The following LRBA variants were observed in gnomAD, a reference collection of about 807,000 sequenced individuals.
The protein encoded by LRBA is LPS responsive beige-like anchor protein.
LRBA carries 176 observed loss-of-function variants against 330.0 expected under a neutral mutation model. That is an observed-to-expected ratio of 0.53 (90% CI 0.47 to 0.60). The LOEUF is 0.60. Among genes scored for constraint, LRBA ranks in the 20% least tolerant of loss-of-function variants. The probability of loss-of-function intolerance (pLI) is 0.00; values close to 1 mark genes in which losing one functional copy is unlikely to be tolerated. For missense variants in LRBA, 3,259 were observed against 3,444.8 expected (o/e 0.95, Z 1.35); for synonymous variants, 1,230 against 1,193.0 (o/e 1.03, Z -0.64).
intron 48 of LRBA, among the ~76,000 whole-genome samples, chr4:150,330,848 G>C (rs74939228): frequency 0.011 from 1,665 of 152,244 alleles, 34 homozygotes; most frequent in African/African-American, 0.038. Flanking sequence ...CTGAGTGCCT[G>C]TTATATAGCA....
At chr4:150,415,659 A>T in intron 46 of LRBA, 69 bp from the exon 47 acceptor site, 1 of 920,778 alleles carries the variant, frequency 1.1e-6, no homozygotes, top group Non-Finnish European at 1.7e-6. Flanking sequence ...CAAAAAAAGG[A>T]CCTGATCATT....
At chr4:150,902,287 A>G (rs1730823675) in intron 13 of LRBA, among the ~76,000 whole-genome samples, 1 of 152,192 alleles carries the variant, frequency 6.6e-6, no homozygotes, top group South Asian at 2.1e-4. Flanking sequence ...TAGAAAAATG[A>G]TGGTTGAAAT....
intron 28 of LRBA, among the ~76,000 whole-genome samples, chr4:150,840,112 C>T (rs1439707006): frequency 6.6e-6 from 1 of 152,174 alleles, no homozygotes; most frequent in African/African-American, 2.4e-5. Flanking sequence ...AGCGTTGGAG[C>T]CTTATCTGAA....
chr4:150,589,482 T>C (rs1029814588), intron 39 of LRBA, among the ~76,000 whole-genome samples: 1 of 152,176 alleles, frequency 6.6e-6, no homozygotes, highest in Admixed American at 6.5e-5. Context: ...ATGGATGAAA[T>C]AAGAAGCTAT....
At chr4:150,807,774 T>C (rs1036769702) in intron 32 of LRBA, among the ~76,000 whole-genome samples, 2 of 151,914 alleles carry the variant, frequency 1.3e-5, no homozygotes, top group African/African-American at 2.4e-5. Flanking sequence ...GCATCCCGAG[T>C]AGCTGGGACT....
intron 25 of LRBA, among the ~76,000 whole-genome samples, 190 bp downstream of exon 25, chr4:150,849,232 G>A (rs1750289660): frequency 6.6e-6 from 1 of 152,088 alleles, no homozygotes; most frequent in South Asian, 2.1e-4. Context: ...CTCATACTTA[G>A]GGAATCAACA....
chr4:150,286,370 CT>C (rs1748130512), intron 53 of LRBA, among the ~76,000 whole-genome samples: 1 of 152,138 alleles, frequency 6.6e-6, no homozygotes, highest in Non-Finnish European at 1.5e-5. Context: ...AAATTAGGAA[CT>C]TTGGCTCAAT....
intron 40 of LRBA, among the ~76,000 whole-genome samples, chr4:150,511,006 C>T (rs1423607947): frequency 6.6e-6 from 1 of 152,122 alleles, no homozygotes; most frequent in African/African-American, 2.4e-5. Flanking sequence ...CAGGCACGTG[C>T]CACCATGCCT....
intron 40 of LRBA, among the ~76,000 whole-genome samples, chr4:150,535,536 T>C (rs2152211453): frequency 6.6e-6 from 1 of 152,292 alleles, no homozygotes; most frequent in South Asian, 2.1e-4. Flanking sequence ...ACCATTTAAA[T>C]AAATGCAAAT....
At chr4:150,295,754 CAA>C (rs1343647316) in intron 53 of LRBA, among the ~76,000 whole-genome samples, 1 of 152,212 alleles carries the variant, frequency 6.6e-6, no homozygotes, top group African/African-American at 2.4e-5. Context: ...CTTAGCAATA[CAA>C]AGAGTGTATC....
intron 37 of LRBA, among the ~76,000 whole-genome samples, chr4:150,653,584 G>A (rs1369848517): frequency 1.3e-5 from 2 of 152,172 alleles, no homozygotes; most frequent in Non-Finnish European, 2.9e-5. Flanking sequence ...CAATCTAGGT[G>A]TGAGAGGGCC....
rs895051985 is a variant in LRBA, at chr4:150,423,837, C to T, written c.7042-8247G>A. On this transcript the variant is annotated intron_variant, in intron 46 of 56. Coordinates refer to ENST00000651943, the MANE Select transcript of LRBA (RefSeq NM_001364905.1). ...GGGTCTGGGATACATAAAATGAGTC[C>T]CCCCCACCGCCCGAGAATACAGATC... 2.6e-5 allele frequency among the ~76,000 whole-genome samples: 4 copies of T among 151,848 alleles called. No homozygotes were observed. The East Asian group carries it at 7.7e-4, about 29-fold the overall frequency.
At chr4:150,512,337 A>T (rs1356820943) in intron 40 of LRBA, among the ~76,000 whole-genome samples, 1 of 152,198 alleles carries the variant, frequency 6.6e-6, no homozygotes, top group Non-Finnish European at 1.5e-5. Context: ...GATCATTTAA[A>T]AGGAACTTAT....
At chr4:150,602,877 A>G (rs1774259717) in intron 37 of LRBA, among the ~76,000 whole-genome samples, 1 of 152,212 alleles carries the variant, frequency 6.6e-6, no homozygotes, top group Admixed American at 6.5e-5. Context: ...GTTCAGAAAC[A>G]GACTGTTGAC....
chr4:150,375,065 C>T (rs1267889359), intron 47 of LRBA, among the ~76,000 whole-genome samples: 4 of 104,956 alleles, frequency 3.8e-5, no homozygotes, highest in Admixed American at 1.1e-4. Context: ...GCATATAACC[C>T]ATAAGCCTGT....
At chr4:150,955,249 TGAAA>T (rs1425455458) in intron 2 of LRBA, among the ~76,000 whole-genome samples, 12 of 147,572 alleles carry the variant, frequency 8.1e-5, no homozygotes, top group Admixed American at 6.6e-4. Flanking sequence ...CCAGCCTGAC[TGAAA>T]GAGTGACACA....
chr4:150,694,514 C>T (rs1387878669), intron 36 of LRBA, among the ~76,000 whole-genome samples: 1 of 80,152 alleles, frequency 1.2e-5, no homozygotes, highest in Non-Finnish European at 3.0e-5. Context: ...ATAGAAAAGA[C>T]AGAAAAATGA....
At chr4:150,284,509 A>G (rs182520712) in intron 54 of LRBA, among the ~76,000 whole-genome samples, 1 of 152,326 alleles carries the variant, frequency 6.6e-6, no homozygotes, top group East Asian at 1.9e-4. Context: ...TGTTATATGT[A>G]TAACTGAGTA....
chr4:150,677,618 G>GT (rs149367174), intron 37 of LRBA, among the ~76,000 whole-genome samples: 8,995 of 151,948 alleles, frequency 0.059, 341 homozygotes, highest in African/African-American at 0.11. Context: ...AAATTATGTG[G>GT]TTTTTTGCTT....
Sources: allele counts gnomAD v4.1 joint callset (sites outside exome capture counted in the v4.1 genomes callset), GRCh38; gene constraint gnomAD v4.1.1; transcripts MANE v1.5; gene names NCBI Gene and HGNC (gene_info 2026-07-23, HGNC 2026-07-21).